ARFGEF3: variants seen among roughly 807,000 people sequenced by gnomAD.
ARFGEF3 encodes the protein brefeldin A-inhibited guanine nucleotide-exchange protein 3.
A neutral mutation model predicts 221.7 loss-of-function variants in ARFGEF3; 96 were observed. The ratio of observed to expected loss-of-function variants is 0.43; its 90% CI spans 0.37 to 0.51. The LOEUF is 0.51. Among genes scored for constraint, ARFGEF3 ranks in the 20% least tolerant of loss-of-function variants. The pLI is 0.00. For missense variants in ARFGEF3, 2,410 were observed against 2,789.9 expected (o/e 0.86, Z 3.07); for synonymous variants, 1,145 against 1,126.8 (o/e 1.02, Z -0.32).
At chr6:138,206,126 G>T (rs1777620892) in intron 2 of ARFGEF3, among the ~76,000 whole-genome samples, 1 of 152,196 alleles carries the variant, frequency 6.6e-6, no homozygotes, top group African/African-American at 2.4e-5. Flanking sequence ...TTAAGTGGGG[G>T]TGGAGAAACC....
At position 138,339,320 on chromosome 6, in the gene ARFGEF3, C is replaced by G. The variant is rs1780386637; in HGVS notation, c.*2834C>G. 6.6e-6 allele frequency: 1 copy of G among 152,214 alleles called. No homozygotes were observed. The highest frequency in any genetic ancestry group is 6.5e-5 in the Admixed American group (1 of 15,276). The allele number at this position is 152,214 out of a possible 1,614,324, so 9.4% of individuals were successfully genotyped here. On this transcript the variant is annotated 3_prime_UTR_variant, in exon 34 of 34. Transcript: ENST00000251691. ...TTGCCCTGTTCCTGTGACTCAGCTG[C>G]CCACTCCCCCAACTTTGTTTCCCTC...
At chr6:138,231,282 A>G (rs1018424194) in intron 5 of ARFGEF3, among the ~76,000 whole-genome samples, 38 of 152,180 alleles carry the variant, frequency 2.5e-4, no homozygotes, top group African/African-American at 8.9e-4. Context: ...CAACATTGAA[A>G]CACTGTGGCC....
At chr6:138,266,042 C>G (rs994673351) in intron 12 of ARFGEF3, among the ~76,000 whole-genome samples, 2 of 151,968 alleles carry the variant, frequency 1.3e-5, no homozygotes, top group South Asian at 2.1e-4. Context: ...ATAGGGAGAA[C>G]CTTTCTCTAC....
rs866425935 is a variant in ARFGEF3, at chr6:138,286,012, C to T, written c.2528C>T (p.Pro843Leu). 35 of 1,609,872 alleles carry T rather than the reference C, an allele frequency of 2.2e-5. 1 individual carries two copies. The Middle Eastern group carries it at 5.0e-3, about 228-fold the overall frequency. The part of the protein sequence containing the change: ...QLMASAATES[P>L]FAQSRRIDDS... Reference sequence around the variant, plus strand: ...ATGGCCTCGGCTGCTACAGAGTCTCCTTTCGCCCAGAGCAGGAGAATTGAT... The same window carrying T: ...ATGGCCTCGGCTGCTACAGAGTCTCTTTTCGCCCAGAGCAGGAGAATTGAT... Residue 843 changes from proline (P) to leucine (L), a missense_variant, in exon 15 of 34, where the codon CCT (proline) becomes CTT (leucine). Coordinates refer to ENST00000251691, the MANE Select transcript of ARFGEF3 (RefSeq NM_020340.5).
At chr6:138,293,082 C>T (rs1171241531) in intron 19 of ARFGEF3, among the ~76,000 whole-genome samples, 2 of 152,202 alleles carry the variant, frequency 1.3e-5, no homozygotes, top group Admixed American at 1.3e-4. Context: ...CATCTTAAAA[C>T]TTGCGTGTCT....
chr6:138,189,614 G>A (rs1777256593), intron 2 of ARFGEF3, among the ~76,000 whole-genome samples: 1 of 152,150 alleles, frequency 6.6e-6, no homozygotes, highest in African/African-American at 2.4e-5. Context: ...GTCGTTAAGT[G>A]TTCTTTAAAA....
intron 4 of ARFGEF3, among the ~76,000 whole-genome samples, chr6:138,227,648 A>G (rs944955610): frequency 1.8e-4 from 28 of 152,140 alleles, no homozygotes; most frequent in East Asian, 5.8e-4. Flanking sequence ...GCCATGAAAC[A>G]TGGCACTAAA....
Position 138,291,827 on chromosome 6 carries a change from G to A in ARFGEF3, c.3142G>A (p.Gly1048Arg). Reference protein sequence around the residue: ...LTISQPQKATGSAGLLGDPEC... With the variant: ...LTISQPQKATRSAGLLGDPEC... ...CATCAGCCAGCCCCAGAAGGCCACT[G>A]GAAGCGCTGGCCTCCTTGGGGACCC... The change falls in exon 19 of 34, where the codon GGA (glycine) becomes AGA (arginine). Residue 1048 changes from glycine (G) to arginine (R), a missense_variant. Transcript: ENST00000251691. This position sits in a 1 kb window ranked among gnomAD's most constrained non-coding sequence, Gnocchi z 4.5. The A allele has an allele frequency of 6.7e-7, 1 of 1,493,388 alleles. No individual in the cohort carries two copies. The highest frequency in any genetic ancestry group is 8.9e-7 in the Non-Finnish European group (1 of 1,119,098). The allele number at this position is 1,493,388 out of a possible 1,614,324, so 92.5% of individuals were successfully genotyped here.
Position 138,255,535 on chromosome 6 carries a change from G to T in ARFGEF3, c.870G>T (p.Glu290Asp). The change falls in exon 10 of 34, where the codon GAG becomes GAT. Residue 290 changes from glutamate (E) to aspartate (D), a missense_variant. Glu to Asp is a conservative substitution (Grantham distance 45). Coordinates refer to ENST00000251691, the MANE Select transcript of ARFGEF3 (RefSeq NM_020340.5). ...AHTSSTSTSL[E>D]SDSASPGVSD... is the part of the protein sequence containing the mutation. The stretch of plus-strand genomic sequence containing the variant: ...CCAGCAGCACCAGTACCAGCCTGGA[G>T]TCGGACTCTGCGTCTCCGGGAGTGT... 1 of 1,614,062 alleles carries T rather than the reference G, an allele frequency of 6.2e-7. No homozygotes were observed.
chr6:138,240,785 C>A (rs546953138), intron 6 of ARFGEF3, among the ~76,000 whole-genome samples: 1 of 152,028 alleles, frequency 6.6e-6, no homozygotes, highest in African/African-American at 2.4e-5. Flanking sequence ...TAAGTTTTGC[C>A]GCATAAGAAT....
At chr6:138,207,178 A>T in intron 3 of ARFGEF3, 55 bp downstream of exon 3, 2 of 1,358,546 alleles carry the variant, frequency 1.5e-6, no homozygotes, top group Non-Finnish European at 2.1e-6. Context: ...CCACTTTGGC[A>T]TTGAAAGGGC....
chr6:138,267,792 C>T (rs1439754607), intron 12 of ARFGEF3, among the ~76,000 whole-genome samples: 3 of 152,226 alleles, frequency 2.0e-5, no homozygotes, highest in South Asian at 2.1e-4. Context: ...TTTAGAGTTC[C>T]GTAAATTTCC....
At chr6:138,329,296 C>A (rs1780178336) in intron 32 of ARFGEF3, among the ~76,000 whole-genome samples, 1 of 152,164 alleles carries the variant, frequency 6.6e-6, no homozygotes, top group African/African-American at 2.4e-5. Context: ...CCATTTCACC[C>A]CTGAGGGCAC....
chr6:138,289,216 G>A (rs1299618728), intron 17 of ARFGEF3, among the ~76,000 whole-genome samples: 1 of 152,154 alleles, frequency 6.6e-6, no homozygotes, highest in Non-Finnish European at 1.5e-5. Context: ...GCCTCCCAAT[G>A]TGCTGGGATT....
At chr6:138,203,477 G>C (rs371721275) in intron 2 of ARFGEF3, among the ~76,000 whole-genome samples, 1 of 152,196 alleles carries the variant, frequency 6.6e-6, no homozygotes, top group African/African-American at 2.4e-5. Flanking sequence ...GCAGGTGCCT[G>C]TTGTGACCTG....
Position 138,242,069 on chromosome 6 carries a change from AGTT to A in ARFGEF3, c.544-877_544-875del, listed in dbSNP as rs1210144102. Among the ~76,000 whole-genome samples the A allele has an allele frequency of 2.0e-5, 3 of 152,198 alleles. No homozygotes were observed. The East Asian group carries it at 5.8e-4, about 29-fold the overall frequency. On this transcript the variant is annotated intron_variant, in intron 6 of 33. Coordinates refer to ENST00000251691, the MANE Select transcript of ARFGEF3 (RefSeq NM_020340.5). Reference sequence around the variant, plus strand: ...AGATACTGACATAACATTTCGCAAAAGTTGTTGTGGAAGCAGCTGAGCTTGCAA... The same window carrying A: ...AGATACTGACATAACATTTCGCAAAAGTTGTGGAAGCAGCTGAGCTTGCAA...
chr6:138,263,913 G>A (rs758119995), intron 12 of ARFGEF3, among the ~76,000 whole-genome samples: 1 of 152,200 alleles, frequency 6.6e-6, no homozygotes, highest in African/African-American at 2.4e-5. Context: ...ATGACAATCT[G>A]TAATTCTTAA....
At chr6:138,213,856 CAAG>C (rs1562355515) in intron 4 of ARFGEF3, among the ~76,000 whole-genome samples, 5 of 152,142 alleles carry the variant, frequency 3.3e-5, no homozygotes, top group Non-Finnish European at 7.4e-5. Flanking sequence ...AAATTAATGA[CAAG>C]ATAACTATAC....
chr6:138,267,588 C>T (rs1363033116), intron 12 of ARFGEF3, among the ~76,000 whole-genome samples: 1 of 152,182 alleles, frequency 6.6e-6, no homozygotes, highest in Non-Finnish European at 1.5e-5. Flanking sequence ...AGGGACCACC[C>T]TCATTTCTTA....
Sources: gnomAD v4.1 joint callset for allele counts (sites outside exome capture counted in the v4.1 genomes callset) on GRCh38, gnomAD v4.1.1 for gene constraint, Gnocchi (gnomAD v3.1) non-coding constraint, MANE v1.5 for transcripts, NCBI Gene and HGNC (gene_info 2026-07-23, HGNC 2026-07-21) for gene names.